The following ZNF385D variants were observed in gnomAD, a reference collection of about 807,000 sequenced individuals.
ZNF385D encodes the protein zinc finger protein 385D, also known as zinc finger protein 659.
Under a neutral mutation model 35.8 loss-of-function variants are expected in ZNF385D, and 15 were observed. That is an observed-to-expected ratio of 0.42 (90% CI 0.28 to 0.64). The LOEUF (loss-of-function observed/expected upper bound fraction) is 0.64. ZNF385D is among the 30% of genes least tolerant of loss of function. The pLI, the probability that ZNF385D is intolerant of heterozygous loss-of-function variation, is 0.23. For missense variants in ZNF385D, 474 were observed against 494.6 expected (o/e 0.96, Z 0.39); for synonymous variants, 212 against 186.8 (o/e 1.13, Z -1.10).
chr3:22,301,539 A>C (rs556916287), intron 2 of ZNF385D, among the ~76,000 whole-genome samples: 1 of 152,182 alleles, frequency 6.6e-6, no homozygotes, highest in Non-Finnish European at 1.5e-5. Flanking sequence ...AATATATATA[A>C]TTTTGTCAAT....
intron 3 of ZNF385D, among the ~76,000 whole-genome samples, chr3:21,926,060 AC>A (rs1178759414): frequency 3.9e-5 from 6 of 152,202 alleles, no homozygotes. Flanking sequence ...CACTCTGAAA[AC>A]TTTTGGAAAT....
At chr3:22,147,224 C>T (rs1704917933) in intron 3 of ZNF385D, among the ~76,000 whole-genome samples, 1 of 152,142 alleles carries the variant, frequency 6.6e-6, no homozygotes, top group African/African-American at 2.4e-5. Flanking sequence ...CTTTCCTAAA[C>T]CATTTCATTC....
intron 6 of ZNF385D, among the ~76,000 whole-genome samples, chr3:21,424,894 C>G (rs1406273974): frequency 2.0e-5 from 3 of 151,814 alleles, no homozygotes; most frequent in Admixed American, 2.0e-4. Context: ...TACATATATA[C>G]AAAACAAAAT....
In ZNF385D at chr3:22,183,496, TACAGGCACAC is replaced by T. The variant is rs758279207; in HGVS notation, c.107-14471_107-14462del. ...CCTCAGCCTCCTGAGTAGCTGGGAC[TACAGGCACAC>T]ACCACCATGCCCAGCTAATTTTTGT... On this transcript the variant is annotated intron_variant, in intron 2 of 5. Coordinates refer to the ZNF385D transcript ENST00000494108. Among the ~76,000 whole-genome samples the T allele has an allele frequency of 2.2e-3, 337 of 152,236 alleles. 2 individuals are homozygous for T. Among genetic ancestry groups the T allele is most frequent in the Non-Finnish European group, 3.4e-3 (233 of 68,010 alleles).
rs1438711067 is a variant in ZNF385D, at chr3:21,890,563, G to C, written c.326-225535C>G. ...GAACCTGGGAGGCGGAGGTTGCAGTGAGCCAAGATCGCGCCACTGCACTCC... is the reference window on the plus strand; with the variant it reads ...GAACCTGGGAGGCGGAGGTTGCAGTCAGCCAAGATCGCGCCACTGCACTCC... On this transcript the variant is annotated intron_variant, in intron 3 of 5. Coordinates refer to the ZNF385D transcript ENST00000494108. Among the ~76,000 whole-genome samples the C allele has an allele frequency of 2.0e-5, 3 of 152,252 alleles. No homozygotes were observed. In the South Asian group the frequency reaches 6.2e-4, roughly 32 times the overall value.
At chr3:22,193,069 G>A (rs749797980) in intron 2 of ZNF385D, among the ~76,000 whole-genome samples, 40 of 152,106 alleles carry the variant, frequency 2.6e-4, no homozygotes, top group Middle Eastern at 3.2e-3. Context: ...AAGAGTAACC[G>A]TTTATAACAC....
At chr3:21,527,734 A>G (rs1188445206) in intron 3 of ZNF385D, among the ~76,000 whole-genome samples, 7 of 150,296 alleles carry the variant, frequency 4.7e-5, no homozygotes, top group African/African-American at 1.7e-4. Flanking sequence ...TGAAAACCAG[A>G]ATGCTCACTG....
chr3:21,907,280 A>G (rs1559742369), intron 3 of ZNF385D, among the ~76,000 whole-genome samples: 1 of 152,198 alleles, frequency 6.6e-6, no homozygotes, highest in African/African-American at 2.4e-5. Context: ...ACTATCATCC[A>G]GAGACAAACA....
At chr3:21,488,912 T>C (rs1705218016) in intron 4 of ZNF385D, among the ~76,000 whole-genome samples, 2 of 152,096 alleles carry the variant, frequency 1.3e-5, no homozygotes, top group Admixed American at 6.6e-5. Context: ...GAACTTAGAA[T>C]TGGATTTCTA....
intron 3 of ZNF385D, among the ~76,000 whole-genome samples, chr3:22,145,287 G>C (rs1704781030): frequency 6.6e-6 from 1 of 152,152 alleles, no homozygotes; most frequent in Non-Finnish European, 1.5e-5. Flanking sequence ...AATTACTTTT[G>C]CATCAACTTA....
intron 1 of ZNF385D, among the ~76,000 whole-genome samples, chr3:21,672,463 G>A (rs1176667557): frequency 2.6e-5 from 4 of 152,170 alleles, no homozygotes; most frequent in East Asian, 1.9e-4. Context: ...ACAGGATGGT[G>A]ACTGCTGTCT....
At chr3:21,894,613 T>C (rs1176641481) in intron 3 of ZNF385D, among the ~76,000 whole-genome samples, 1 of 152,200 alleles carries the variant, frequency 6.6e-6, no homozygotes, top group Non-Finnish European at 1.5e-5. Context: ...TTATACTTAA[T>C]ATAGTTTGTG....
At chr3:21,573,224 G>A (rs1023104000) in intron 2 of ZNF385D, among the ~76,000 whole-genome samples, 8 of 152,244 alleles carry the variant, frequency 5.3e-5, no homozygotes, top group African/African-American at 1.9e-4. Flanking sequence ...TCTAGAAATC[G>A]CTATGTAAAA....
intron 3 of ZNF385D, among the ~76,000 whole-genome samples, chr3:22,005,650 A>G (rs1388652150): frequency 6.6e-6 from 1 of 152,074 alleles, no homozygotes; most frequent in East Asian, 1.9e-4. Context: ...TGAAATATTC[A>G]CACCTCATTA....
intron 3 of ZNF385D, among the ~76,000 whole-genome samples, chr3:21,519,554 A>C (rs534368413): frequency 6.6e-6 from 1 of 152,282 alleles, no homozygotes; most frequent in Non-Finnish European, 1.5e-5. Flanking sequence ...TTGAACTCTA[A>C]AGGAGAAGTC....
chr3:21,883,169 A>G (rs1386582409), intron 3 of ZNF385D, among the ~76,000 whole-genome samples: 1 of 151,950 alleles, frequency 6.6e-6, no homozygotes, highest in Non-Finnish European at 1.5e-5. Flanking sequence ...AGTTATGACA[A>G]TGTCTTGGTA....
intron 3 of ZNF385D, among the ~76,000 whole-genome samples, chr3:22,075,081 C>T (rs1375892014): frequency 6.6e-6 from 1 of 151,808 alleles, no homozygotes; most frequent in South Asian, 2.1e-4. Flanking sequence ...ATTACAAGGC[C>T]CCACTCCAGA....
At chr3:21,543,218 G>C (rs2062242289) in intron 3 of ZNF385D, among the ~76,000 whole-genome samples, 2 of 152,186 alleles carry the variant, frequency 1.3e-5, no homozygotes, top group Non-Finnish European at 2.9e-5. Context: ...GGCTGAGGCA[G>C]GAGAATCACT....
chr3:22,103,214 ATT>A (rs34216046), intron 3 of ZNF385D, among the ~76,000 whole-genome samples: 1 of 147,480 alleles, frequency 6.8e-6, no homozygotes, highest in African/African-American at 2.5e-5. Flanking sequence ...CCCTGGGGCC[ATT>A]TTTTTTTTTT....
Sources: gnomAD v4.1 joint callset for allele counts (sites outside exome capture counted in the v4.1 genomes callset) on GRCh38, gnomAD v4.1.1 for gene constraint, MANE v1.5 for transcripts, NCBI Gene and HGNC (gene_info 2026-07-23, HGNC 2026-07-21) for gene names.